Variants in ASH2L observed in about 807,000 individuals in gnomAD.
ASH2L encodes ASH2 like, histone lysine methyltransferase complex subunit.
A neutral mutation model predicts 81.1 loss-of-function variants in ASH2L; 30 were observed. The observed-to-expected ratio is 0.37, with a 90% CI of 0.28 to 0.50. The LOEUF (loss-of-function observed/expected upper bound fraction) is 0.50. ASH2L is among the 20% of genes least tolerant of loss of function. ASH2L has a pLI of 0.95. For missense variants in ASH2L, 559 were observed against 792.1 expected (o/e 0.71, Z 3.53); for synonymous variants, 273 against 279.9 (o/e 0.98, Z 0.24).
chr8:38,130,227 CTTTTTT>C (rs71216650), intron 12 of ASH2L, among the ~76,000 whole-genome samples: 1 of 86,252 alleles, frequency 1.2e-5, no homozygotes, highest in African/African-American at 4.7e-5. Flanking sequence ...CTTCTCTGTT[CTTTTTT>C]TTTTTTTTTT....
chr8:38,116,774 C>A (rs1344749600), intron 8 of ASH2L, 49 bp downstream of exon 8: 1 of 1,495,448 alleles, frequency 6.7e-7, no homozygotes. Context: ...GCTATTGAAT[C>A]CAGTTGTGCC....
chr8:38,114,984 T>A lies in ASH2L; in HGVS notation c.761T>A (p.Phe254Tyr). ...GATCCAGAAGAAGATTACCCCAAATTTGGACTTTTGGATCAGGTACATTAA... is the reference window on the plus strand; with the variant it reads ...GATCCAGAAGAAGATTACCCCAAATATGGACTTTTGGATCAGGTACATTAA... ...SKDPEEDYPK[F>Y]GLLDQDLSNI... Residue 254 changes from phenylalanine (F) to tyrosine (Y), a missense_variant, in exon 7 of 16, where the codon TTT becomes TAT. Transcript: ENST00000343823. 1 of 1,608,178 alleles carries A rather than the reference T, an allele frequency of 6.2e-7. No homozygotes were observed. Among genetic ancestry groups the A allele is most frequent in the Non-Finnish European group, 8.5e-7 (1 of 1,174,674 alleles).
At chr8:38,134,081 G>T (rs546270375) in intron 13 of ASH2L, among the ~76,000 whole-genome samples, 1 of 152,126 alleles carries the variant, frequency 6.6e-6, no homozygotes, top group African/African-American at 2.4e-5. Context: ...ATGGATTAAG[G>T]GTGGTGCAAG....
At chr8:38,127,165 G>GA (rs35487001) in intron 10 of ASH2L, among the ~76,000 whole-genome samples, 138,287 of 140,618 alleles carry the variant, frequency 0.98, 68,017 homozygotes, top group East Asian at 1. Flanking sequence ...TTATCTCAAG[G>GA]AAAAAAAAAA....
At chr8:38,127,400 G>A (rs2130549973) in intron 10 of ASH2L, among the ~76,000 whole-genome samples, 2 of 151,582 alleles carry the variant, frequency 1.3e-5, no homozygotes, top group South Asian at 4.2e-4. Flanking sequence ...CCATTGGTTT[G>A]TTATATTTGA....
At position 38,121,160 on chromosome 8, in the gene ASH2L, T is replaced by C. The variant is rs1261471074; in HGVS notation, c.1165+11T>C. ...CCCTACATGATCGAGGTATGTAAAG[T>C]ATTGGAGATCATATGGATGCAGGGT... On this transcript the variant is annotated intron_variant, in intron 10 of 15. Coordinates refer to ENST00000343823, the MANE Select transcript of ASH2L (RefSeq NM_004674.5). The C allele has an allele frequency of 1.2e-6, 2 of 1,609,634 alleles. No homozygotes were observed. Among genetic ancestry groups the C allele is most frequent in the Non-Finnish European group, 1.7e-6 (2 of 1,177,192 alleles).
rs1286755880 is a variant in ASH2L at position 38,135,583 on chromosome 8, C to T, written c.1621-85C>T. 8.8e-6 allele frequency: 8 copies of T among 913,796 alleles called. No homozygotes were observed. The Admixed American group carries it at 1.9e-4, about 21-fold the overall frequency. 56.6% of individuals were successfully genotyped at this position (913,796 alleles called of 1,614,324 possible). On this transcript the variant is annotated intron_variant, in intron 13 of 15. Coordinates refer to ENST00000343823, the MANE Select transcript of ASH2L (RefSeq NM_004674.5). ...TGAGTGACTAGCAGTCTGGCAGCAG[C>T]ACTTCTAACATATTTTCCTAGAGAG...
At position 38,110,408 on chromosome 8, in the gene ASH2L, G is replaced by C; in HGVS notation, c.431G>C (p.Ser144Thr). The C allele has an allele frequency of 1.2e-6, 2 of 1,614,208 alleles. No individual in the cohort carries two copies. The highest frequency in any genetic ancestry group is 1.7e-6 in the Non-Finnish European group (2 of 1,180,026). ...SSCLPFMTNYSFHCNVCHHSG... is the reference protein window; with the variant it reads ...SSCLPFMTNYTFHCNVCHHSG... Reference sequence around the variant, plus strand: ...TGTCTACCTTTCATGACCAACTACAGTTTTCATTGCAACGTCTGCCATCAC... The same window carrying C: ...TGTCTACCTTTCATGACCAACTACACTTTTCATTGCAACGTCTGCCATCAC... The change falls in exon 4 of 16, where the codon AGT (serine) becomes ACT (threonine). Residue 144 changes from serine to threonine, a missense_variant. This residue lies in a region of ASH2L where 318 missense variants were observed against 527.0 expected (regional missense o/e 0.60). Coordinates refer to ENST00000343823, the MANE Select transcript of ASH2L (RefSeq NM_004674.5).
At chr8:38,122,886 G>A (rs1195985776) in intron 10 of ASH2L, among the ~76,000 whole-genome samples, 1 of 151,710 alleles carries the variant, frequency 6.6e-6, no homozygotes, top group East Asian at 1.9e-4. Flanking sequence ...TGGGATCACA[G>A]GCACACGCCA....
rs1410534717 is a variant in ASH2L, at chr8:38,138,864, ACTTACCGCC to A, written c.1771_1779del (p.Tyr591_Pro593del). The A allele has an allele frequency of 6.2e-7, 1 of 1,614,118 alleles. No individual in the cohort carries two copies. Among genetic ancestry groups the A allele is most frequent in the Admixed American group, 1.7e-5 (1 of 60,000 alleles). On this transcript the variant is annotated inframe_deletion and splice_region_variant, in exon 15 of 16. Transcript: ENST00000343823. ...CTTCAAGTATCCTCCGAAGGATCTC[ACTTACCGCC>A]CTGTGAGTAACATTACAAATGGCTG...
intron 10 of ASH2L, among the ~76,000 whole-genome samples, 184 bp downstream of exon 10, chr8:38,121,333 TTATATATATATATATATATA>T (rs71216649): frequency 6.7e-5 from 4 of 59,668 alleles, no homozygotes; most frequent in Admixed American, 5.1e-4. Context: ...GCCGTTTTAT[TTATATATATATATATATATA>T]TATATATATA....
rs565033141 is a variant in ASH2L at position 38,138,871 on chromosome 8, G to A, written c.1775G>A (p.Arg592His). The change falls in exon 15 of 16, where the codon CGC (arginine) becomes CAC (histidine). Residue 592 changes from arginine to histidine, a missense_variant. By Grantham distance (29) the Arg-to-His change is conservative. Coordinates refer to ENST00000343823, the MANE Select transcript of ASH2L (RefSeq NM_004674.5). ...TATCCTCCGAAGGATCTCACTTACC[G>A]CCCTGTGAGTAACATTACAAATGGC... ...FKYPPKDLTY[R>H]PMSDMGWGAV... 16 of 1,613,910 alleles carry A rather than the reference G, an allele frequency of 9.9e-6. No individual in the cohort carries two copies. Among genetic ancestry groups the A allele is most frequent in the East Asian group, 4.5e-5 (2 of 44,872 alleles).
intron 5 of ASH2L, among the ~76,000 whole-genome samples, chr8:38,112,878 A>G (rs1390902831): frequency 1.3e-5 from 2 of 152,108 alleles, no homozygotes; most frequent in African/African-American, 4.8e-5. Context: ...TCTTCTGTAA[A>G]TAACTTTCCC....
chr8:38,130,423 A>G (rs752571260), intron 12 of ASH2L, among the ~76,000 whole-genome samples: 1 of 150,608 alleles, frequency 6.6e-6, no homozygotes, highest in Admixed American at 6.6e-5. Context: ...CTGAGGAACC[A>G]AAGTTTTAGT....
chr8:38,116,785 T>A, intron 8 of ASH2L, 60 bp downstream of exon 8: 1 of 1,387,766 alleles, frequency 7.2e-7, no homozygotes, highest in Non-Finnish European at 1.0e-6. Flanking sequence ...CAGTTGTGCC[T>A]AGAACTGGCC....
At position 38,114,217 on chromosome 8, in the gene ASH2L, A is replaced by C. The variant is rs1344676434; in HGVS notation, c.611A>C (p.Tyr204Ser). 1 of 1,601,568 alleles carries C rather than the reference A, an allele frequency of 6.2e-7. No homozygotes were observed. Among genetic ancestry groups the C allele is most frequent in the South Asian group, 1.1e-5 (1 of 88,968 alleles). ...DKDIIPFIDK[Y>S]WECMTTRQRP... ...GATATTATACCATTTATTGATAAAT[A>C]CTGGGAGTGCATGACAACCAGACAG... The change falls in exon 6 of 16, where the codon TAC (tyrosine) becomes TCC (serine). Residue 204 changes from tyrosine to serine, a missense_variant. Tyr to Ser is a moderately radical substitution (Grantham distance 144). Transcript: ENST00000343823.
chr8:38,132,801 A>C (rs1344939780), intron 12 of ASH2L, among the ~76,000 whole-genome samples: 2 of 149,906 alleles, frequency 1.3e-5, no homozygotes, highest in East Asian at 3.9e-4. Context: ...TGTCTCAAAA[A>C]AAAAAAAAGA....
rs142578265 is a variant in ASH2L at position 38,128,287 on chromosome 8, G to A, written c.1166-4G>A. ...AGGCCTTCTTTTAATCTCTGTCACC[G>A]CAGCTCCCCAGTTAAAGATCTCAGA... is the stretch of plus-strand genomic sequence containing the variant. On this transcript the variant is annotated splice_polypyrimidine_tract_variant and splice_region_variant and intron_variant, in intron 10 of 15. Transcript: ENST00000343823. The A allele has an allele frequency of 4.3e-4, 689 of 1,613,942 alleles. No individual in the cohort carries two copies. The highest frequency in any genetic ancestry group is 2.8e-3 in the Middle Eastern group (17 of 6,054).
At chr8:38,112,980 T>A (rs1810747646) in intron 5 of ASH2L, among the ~76,000 whole-genome samples, 1 of 151,806 alleles carries the variant, frequency 6.6e-6, no homozygotes, top group Non-Finnish European at 1.5e-5. Flanking sequence ...TTTTTTTTTT[T>A]AATTGAGATG....
Sources: allele counts gnomAD v4.1 joint callset (sites outside exome capture counted in the v4.1 genomes callset), GRCh38; gene constraint gnomAD v4.1.1; regional missense constraint gnomAD v4.1.1; transcripts MANE v1.5; gene names NCBI Gene and HGNC (gene_info 2026-07-23, HGNC 2026-07-21).